IL1RAPL2: variants seen among roughly 807,000 people sequenced by gnomAD.
IL1RAPL2 encodes X-linked interleukin-1 receptor accessory protein-like 2.
In IL1RAPL2, 3 loss-of-function variants were observed where a neutral mutation model predicts 44.1. The observed-to-expected ratio is 0.07, with a 90% CI of 0.03 to 0.18. The LOEUF is 0.18. Among genes scored for constraint, IL1RAPL2 ranks in the 10% least tolerant of loss-of-function variants. The probability of loss-of-function intolerance (pLI) is 1.00; values close to 1 mark genes in which losing one functional copy is unlikely to be tolerated. For synonymous variants in IL1RAPL2, 181 were observed against 178.8 expected (o/e 1.01, Z -0.10); for missense variants, 391 against 496.4 (o/e 0.79, Z 2.02).
intron 6 of IL1RAPL2, among the ~76,000 whole-genome samples, chrX:105,522,833 A>G (rs958623782): frequency 9.0e-6 from 1 of 111,655 alleles, no homozygotes; most frequent in African/African-American, 3.3e-5. Context: ...AATAATCAGT[A>G]TCCTGTTTGG....
At chrX:104,758,660 A>G (rs1932378560) in intron 2 of IL1RAPL2, among the ~76,000 whole-genome samples, 2 of 112,121 alleles carry the variant, frequency 1.8e-5, no homozygotes, top group African/African-American at 6.5e-5. Context: ...CTGTGTTAGC[A>G]CTTTGTTAAA....
chrX:105,258,508 G>A (rs549029356), intron 4 of IL1RAPL2, among the ~76,000 whole-genome samples: 14 of 112,070 alleles, frequency 1.2e-4, no homozygotes, highest in Non-Finnish European at 1.9e-4. Flanking sequence ...TTTCATGAAC[G>A]ATATCCTGAA....
intron 7 of IL1RAPL2, 84 bp from the exon 8 acceptor site, chrX:105,740,462 G>A: frequency 1.0e-6 from 1 of 967,969 alleles, no homozygotes; most frequent in Non-Finnish European, 1.5e-6. Flanking sequence ...ACCTGTGTGA[G>A]CTGTGTGACC....
At chrX:105,119,853 CTA>C (rs1246941014) in intron 2 of IL1RAPL2, among the ~76,000 whole-genome samples, 1 of 110,683 alleles carries the variant, frequency 9.0e-6, no homozygotes, top group Admixed American at 9.7e-5. Context: ...ATAACAATGA[CTA>C]TAGTAATTAA....
chrX:105,074,480 C>T (rs917962197), intron 2 of IL1RAPL2, among the ~76,000 whole-genome samples: 3 of 111,289 alleles, frequency 2.7e-5, no homozygotes, highest in Middle Eastern at 4.6e-3. Context: ...AGCGTGATAC[C>T]TCCGGCTTTG....
At chrX:104,722,724 T>C (rs1931705599) in intron 2 of IL1RAPL2, among the ~76,000 whole-genome samples, 1 of 111,416 alleles carries the variant, frequency 9.0e-6, no homozygotes, top group Admixed American at 9.6e-5. Context: ...CTCCATGCAT[T>C]GTTTTACAGT....
chrX:104,977,206 C>T (rs2030355335), intron 2 of IL1RAPL2, among the ~76,000 whole-genome samples: 1 of 111,714 alleles, frequency 9.0e-6, no homozygotes, highest in Middle Eastern at 4.6e-3. Context: ...GTTCCCTTAA[C>T]TTAGGTTGAC....
intron 2 of IL1RAPL2, among the ~76,000 whole-genome samples, chrX:104,696,569 C>T (rs962154020): frequency 1.8e-5 from 2 of 112,197 alleles, no homozygotes; most frequent in African/African-American, 6.5e-5. Context: ...GAAACTACAT[C>T]CCAATTATCC....
In IL1RAPL2 at chrX:105,682,078, G is replaced by T. The variant is rs1406012089; in HGVS notation, c.773-35289G>T. 7.2e-5 allele frequency among the ~76,000 whole-genome samples: 8 copies of T among 111,721 alleles called. No homozygotes were observed. The East Asian group carries it at 8.4e-4, about 12-fold the overall frequency. On this transcript the variant is annotated intron_variant, in intron 6 of 10. Transcript: ENST00000372582. ...AAAATGCAGCTGACAATAAAATTTG[G>T]TTTTTTCTTTGACATGCAATACAAG...
In IL1RAPL2 at chrX:104,682,879, C is replaced by T. The variant is rs1164904511; in HGVS notation, c.82+23884C>T. ...AACATATATGTAAAGATTGTCCTAT[C>T]TCCTCAGATATTAAAAAGGGTTTTA... On this transcript the variant is annotated intron_variant, in intron 2 of 10. Coordinates refer to ENST00000372582, the MANE Select transcript of IL1RAPL2 (RefSeq NM_017416.2). Among the ~76,000 whole-genome samples the T allele has an allele frequency of 4.5e-5, 5 of 111,643 alleles. No individual in the cohort carries two copies. In the South Asian group the frequency reaches 1.9e-3, roughly 43 times the overall value.
chrX:105,059,009 A>AT (rs1452928032), intron 2 of IL1RAPL2, among the ~76,000 whole-genome samples: 2 of 112,045 alleles, frequency 1.8e-5, no homozygotes, highest in Non-Finnish European at 3.8e-5. Context: ...AGATGTATAT[A>AT]TTTTTGGGGT....
At chrX:105,147,290 T>A (rs115288737) in intron 2 of IL1RAPL2, among the ~76,000 whole-genome samples, 8,896 of 111,635 alleles carry the variant, frequency 0.08, 862 homozygotes, top group African/African-American at 0.27. Context: ...GGCTGCTCAT[T>A]TACTTCTCAG....
At position 105,653,027 on chromosome X, in the gene IL1RAPL2, G is replaced by A. The variant is rs781584791; in HGVS notation, c.773-64340G>A. Among the ~76,000 whole-genome samples, 6 of 110,862 alleles carry A rather than the reference G, an allele frequency of 5.4e-5. No individual in the cohort carries two copies. In the South Asian group the frequency reaches 2.2e-3, roughly 41 times the overall value. Reference sequence around the variant, plus strand: ...CAAATACTGTGCTGTAATCTATGAGGGATAAAAGAGAAGGGGAAAATACTG... The same window carrying A: ...CAAATACTGTGCTGTAATCTATGAGAGATAAAAGAGAAGGGGAAAATACTG... On this transcript the variant is annotated intron_variant, in intron 6 of 10. Transcript: ENST00000372582.
intron 2 of IL1RAPL2, among the ~76,000 whole-genome samples, chrX:104,978,200 A>T (rs971940039): frequency 8.9e-6 from 1 of 112,216 alleles, no homozygotes; most frequent in Non-Finnish European, 1.9e-5. Flanking sequence ...TGATACTTCT[A>T]TGTATATATG....
At chrX:104,674,935 G>A (rs1425675061) in intron 2 of IL1RAPL2, among the ~76,000 whole-genome samples, 37 of 111,286 alleles carry the variant, frequency 3.3e-4, no homozygotes, top group East Asian at 2.3e-3. Flanking sequence ...CTGTGGGATC[G>A]GTGGTGATAT....
At chrX:104,567,148 G>T (rs1569486364) in intron 1 of IL1RAPL2, 97 bp downstream of exon 1, 3 of 113,186 alleles carry the variant, frequency 2.7e-5, no homozygotes, top group Admixed American at 9.2e-5. Context: ...GCAGCCAATG[G>T]AGGCTTTATC....
chrX:104,767,258 C>T (rs770749225), intron 2 of IL1RAPL2, among the ~76,000 whole-genome samples: 2 of 111,525 alleles, frequency 1.8e-5, no homozygotes, highest in South Asian at 7.5e-4. Flanking sequence ...GTTGGAGTGC[C>T]CCTGGAAGTT....
chrX:105,228,707 C>G (rs1232408394), intron 3 of IL1RAPL2, among the ~76,000 whole-genome samples: 6 of 112,194 alleles, frequency 5.3e-5, no homozygotes, highest in Non-Finnish European at 7.5e-5. Flanking sequence ...CTATCAGCTT[C>G]CTCAAGTTGG....
chrX:104,570,959 C>A (rs1298899970), intron 1 of IL1RAPL2, among the ~76,000 whole-genome samples: 16 of 107,206 alleles, frequency 1.5e-4, no homozygotes, highest in African/African-American at 5.4e-4. Context: ...TTTTTTTTAT[C>A]CCTTCCTTTT....
Sources: allele counts gnomAD v4.1 joint callset (sites outside exome capture counted in the v4.1 genomes callset), GRCh38; gene constraint gnomAD v4.1.1; transcripts MANE v1.5; gene names NCBI Gene and HGNC (gene_info 2026-07-23, HGNC 2026-07-21).